The following CUX1 variants were observed in gnomAD, a reference collection of about 807,000 sequenced individuals.
CUX1 encodes the protein protein CASP.
Under a neutral mutation model 158.8 loss-of-function variants are expected in CUX1, and 31 were observed. The observed-to-expected ratio is 0.20, with a 90% CI of 0.15 to 0.26. The LOEUF is 0.26. Among genes scored for constraint, CUX1 ranks in the 10% least tolerant of loss-of-function variants. The pLI, the probability that CUX1 is intolerant of heterozygous loss-of-function variation, is 1.00. For missense variants in CUX1, 1,589 were observed against 2,014.6 expected (o/e 0.79, Z 4.04); for synonymous variants, 879 against 862.1 (o/e 1.02, Z -0.34).
intron 2 of CUX1, among the ~76,000 whole-genome samples, chr7:101,922,133 G>A (rs1400029624): frequency 1.3e-5 from 2 of 152,094 alleles, no homozygotes; most frequent in African/African-American, 4.8e-5. Context: ...AAAAAAATTG[G>A]TTTGTAATAA....
chr7:101,837,134 T>G (rs1794719718), intron 1 of CUX1, among the ~76,000 whole-genome samples: 1 of 152,184 alleles, frequency 6.6e-6, no homozygotes, highest in South Asian at 2.1e-4. Flanking sequence ...GTGACATCTT[T>G]GAGATGCACT....
chr7:101,871,215 C>T (rs981100406), intron 1 of CUX1, among the ~76,000 whole-genome samples: 1 of 151,942 alleles, frequency 6.6e-6, no homozygotes, highest in African/African-American at 2.4e-5. Flanking sequence ...GAATACCTGG[C>T]TTATCAGCAG....
chr7:102,037,340 CTTTCT>C (rs1478960540), intron 3 of CUX1, among the ~76,000 whole-genome samples: 3 of 150,486 alleles, frequency 2.0e-5, no homozygotes, highest in Admixed American at 2.0e-4. Flanking sequence ...GGTAGAATTT[CTTTCT>C]TTTCTTTTCT....
intron 1 of CUX1, among the ~76,000 whole-genome samples, chr7:101,875,340 G>A (rs957898588): frequency 7.9e-5 from 12 of 152,102 alleles, no homozygotes; most frequent in Non-Finnish European, 1.0e-4. Flanking sequence ...AAATAGGGAC[G>A]AGGGCTTAGA....
At chr7:102,060,104 T>C (rs1177339547) in intron 3 of CUX1, among the ~76,000 whole-genome samples, 1 of 133,038 alleles carries the variant, frequency 7.5e-6, no homozygotes, top group African/African-American at 2.5e-5. Flanking sequence ...TGAAACCCTG[T>C]CTTTACTAAA....
At chr7:102,046,452 C>T (rs1425633488) in intron 3 of CUX1, among the ~76,000 whole-genome samples, 5 of 152,034 alleles carry the variant, frequency 3.3e-5, no homozygotes, top group Non-Finnish European at 7.4e-5. Context: ...AGGCTGGTCT[C>T]GAACTCCTCA....
chr7:102,238,096 A>AG, intron 22 of CUX1, among the ~76,000 whole-genome samples: 1 of 152,352 alleles, frequency 6.6e-6, no homozygotes, highest in East Asian at 1.9e-4. Context: ...ACAGCATCAC[A>AG]GGGAGATGGT....
chr7:101,957,272 C>G (rs1809895635), intron 2 of CUX1, among the ~76,000 whole-genome samples: 1 of 152,160 alleles, frequency 6.6e-6, no homozygotes, highest in African/African-American at 2.4e-5. Flanking sequence ...ATGCAAATAC[C>G]TGCACATCAC....
intron 11 of CUX1, among the ~76,000 whole-genome samples, chr7:102,180,919 G>GTATTTTATTT (rs1186410987): frequency 5.9e-3 from 302 of 51,534 alleles, no homozygotes; most frequent in African/African-American, 0.032. Context: ...TTATTTTATT[G>GTATTTTATTT]TATTTTATTT....
At chr7:101,823,280 C>T (rs1050766397) in intron 1 of CUX1, among the ~76,000 whole-genome samples, 5 of 152,092 alleles carry the variant, frequency 3.3e-5, no homozygotes, top group South Asian at 2.1e-4. Flanking sequence ...GTGACTGGAA[C>T]GGAGCCAAGG....
At chr7:101,863,452 G>T (rs1797667154) in intron 1 of CUX1, among the ~76,000 whole-genome samples, 1 of 151,536 alleles carries the variant, frequency 6.6e-6, no homozygotes, top group Non-Finnish European at 1.5e-5. Flanking sequence ...TTGAGTTAAA[G>T]CGATTCTCCT....
exon 23 of CUX1, chr7:102,283,440 C>T (rs1295160642): frequency 1.6e-5 from 5 of 303,962 alleles, no homozygotes; most frequent in Non-Finnish European, 2.6e-5. Context: ...ATTCCAGCTG[C>T]GGTTAATCCA....
intron 3 of CUX1, among the ~76,000 whole-genome samples, chr7:102,033,630 A>AG (rs1331648069): frequency 6.6e-6 from 1 of 152,242 alleles, no homozygotes; most frequent in Non-Finnish European, 1.5e-5. Context: ...AAGAAGAAAC[A>AG]GACAACTTGA....
At chr7:101,940,657 G>A (rs1807597614) in intron 2 of CUX1, among the ~76,000 whole-genome samples, 1 of 152,150 alleles carries the variant, frequency 6.6e-6, no homozygotes, top group Non-Finnish European at 1.5e-5. Flanking sequence ...AAGGGAATGT[G>A]TTTTCTTATT....
intron 2 of CUX1, chr7:101,932,365 C>A: frequency 3.1e-6 from 1 of 322,766 alleles, no homozygotes; most frequent in South Asian, 2.5e-5. Context: ...ACCCATATCG[C>A]ATGCAAGCGT....
At chr7:102,200,630 C>T (rs530650865) in intron 17 of CUX1, among the ~76,000 whole-genome samples, 12 of 152,212 alleles carry the variant, frequency 7.9e-5, no homozygotes, top group South Asian at 2.1e-4. Context: ...TGTGAGCCAC[C>T]GCGCCTGGCC....
intron 18 of CUX1, chr7:102,279,907 C>T: frequency 1.5e-6 from 1 of 667,940 alleles, no homozygotes; most frequent in Non-Finnish European, 2.7e-6. Context: ...CCTCCCGCCT[C>T]TGAGATCTAG....
chr7:102,241,031 G>A (rs1272478707), intron 23 of CUX1, among the ~76,000 whole-genome samples: 1 of 152,148 alleles, frequency 6.6e-6, no homozygotes, highest in African/African-American at 2.4e-5. Context: ...TATTGGCCAG[G>A]CTGGTCTCGA....
intron 20 of CUX1, among the ~76,000 whole-genome samples, chr7:102,208,909 G>C (rs1409090060): frequency 6.6e-6 from 1 of 152,164 alleles, no homozygotes; most frequent in Non-Finnish European, 1.5e-5. Flanking sequence ...TGAGATTCTG[G>C]GCCTCGAAGA....
Sources: allele counts gnomAD v4.1 joint callset (sites outside exome capture counted in the v4.1 genomes callset), GRCh38; gene constraint gnomAD v4.1.1; transcripts MANE v1.5; gene names NCBI Gene and HGNC (gene_info 2026-07-23, HGNC 2026-07-21).